Variants in KCNIP1 observed in about 807,000 individuals in gnomAD.
KCNIP1 encodes the protein potassium voltage-gated channel interacting protein 1, also known as A-type potassium channel modulatory protein KCNIP1.
Under a neutral mutation model 33.0 loss-of-function variants are expected in KCNIP1, and 18 were observed. That is an observed-to-expected ratio of 0.55 (90% confidence interval 0.38 to 0.81). The LOEUF (loss-of-function observed/expected upper bound fraction) is 0.81. Ranked by LOEUF, KCNIP1 falls within the 30% of genes least tolerant of loss-of-function variation. The probability of loss-of-function intolerance (pLI) is 0.00; values close to 1 mark genes in which losing one functional copy is unlikely to be tolerated. For synonymous variants in KCNIP1, 93 were observed against 98.3 expected, an observed-to-expected ratio of 0.95 and a Z score of 0.32; for missense variants, 238 against 271.6, an observed-to-expected ratio of 0.88 and a Z score of 0.87.
At chr5:170,543,560 T>C (rs1333633220) in intron 1 of KCNIP1, among the ~76,000 whole-genome samples, 6 of 152,210 alleles carry the variant, frequency 3.9e-5, no homozygotes, top group African/African-American at 1.4e-4. Flanking sequence ...CTTAGCACAG[T>C]CTAACAGTTT....
intron 1 of KCNIP1, chr5:170,382,996 G>A (rs1338222816): frequency 1.5e-5 from 2 of 130,506 alleles, no homozygotes; most frequent in Non-Finnish European, 3.3e-5. Flanking sequence ...AAGGAGGGAG[G>A]GGAAAAAAAA....
chr5:170,600,709 G>C (rs1758657741), intron 1 of KCNIP1, among the ~76,000 whole-genome samples: 1 of 152,180 alleles, frequency 6.6e-6, no homozygotes, highest in Admixed American at 6.5e-5. Flanking sequence ...GGTACTATTT[G>C]CAGGGGCAGG....
intron 1 of KCNIP1, among the ~76,000 whole-genome samples, chr5:170,614,293 C>T (rs1320921520): frequency 6.6e-6 from 1 of 152,184 alleles, no homozygotes; most frequent in Non-Finnish European, 1.5e-5. Flanking sequence ...ATTCGGCAGG[C>T]AGTGGAAGCT....
intron 1 of KCNIP1, among the ~76,000 whole-genome samples, chr5:170,552,424 AC>A (rs1756681821): frequency 6.6e-6 from 1 of 152,206 alleles, no homozygotes; most frequent in Non-Finnish European, 1.5e-5. Context: ...ATTTGGAGAA[AC>A]GAGAAGGGAT....
At chr5:170,441,460 G>A (rs1007386998) in intron 1 of KCNIP1, among the ~76,000 whole-genome samples, 4 of 152,128 alleles carry the variant, frequency 2.6e-5, no homozygotes, top group Admixed American at 1.3e-4. Context: ...ATGTGCCCAC[G>A]TGCAGGGTTT....
intron 1 of KCNIP1, among the ~76,000 whole-genome samples, chr5:170,548,867 C>T (rs116271639): frequency 0.022 from 3,279 of 152,298 alleles, 126 homozygotes; most frequent in African/African-American, 0.075. Flanking sequence ...GACCTATTCA[C>T]TAGCACCCTG....
chr5:170,457,314 G>T (rs1054927797), intron 1 of KCNIP1, among the ~76,000 whole-genome samples: 1 of 152,074 alleles, frequency 6.6e-6, no homozygotes. Flanking sequence ...AAACTGCAGG[G>T]GCCACCACCA....
At chr5:170,462,274 A>AAAC (rs200573005) in intron 1 of KCNIP1, among the ~76,000 whole-genome samples, 3 of 149,420 alleles carry the variant, frequency 2.0e-5, no homozygotes, top group Non-Finnish European at 3.0e-5. Flanking sequence ...CAAAAAAAAA[A>AAAC]AAAAAAAAAA....
At chr5:170,456,427 G>A (rs1271101013) in intron 1 of KCNIP1, among the ~76,000 whole-genome samples, 2 of 152,148 alleles carry the variant, frequency 1.3e-5, no homozygotes, top group East Asian at 3.9e-4. Flanking sequence ...GTATACCTGT[G>A]TAACAAACCT....
chr5:170,367,871 C>T (rs1284814488), intron 1 of KCNIP1, among the ~76,000 whole-genome samples: 1 of 152,192 alleles, frequency 6.6e-6, no homozygotes, highest in Non-Finnish European at 1.5e-5. Flanking sequence ...GAAATCTATT[C>T]TAAGCAAATC....
At chr5:170,443,627 C>A (rs1756043659) in intron 1 of KCNIP1, among the ~76,000 whole-genome samples, 1 of 152,208 alleles carries the variant, frequency 6.6e-6, no homozygotes, top group African/African-American at 2.4e-5. Flanking sequence ...AGATTGAGTT[C>A]CTGCCACCAC....
At chr5:170,553,976 C>T (rs1262252516) in intron 1 of KCNIP1, among the ~76,000 whole-genome samples, 1 of 152,192 alleles carries the variant, frequency 6.6e-6, no homozygotes, top group Non-Finnish European at 1.5e-5. Flanking sequence ...GGCTCTTGCC[C>T]TCACACTCTA....
intron 1 of KCNIP1, among the ~76,000 whole-genome samples, chr5:170,498,791 A>G (rs1035414): frequency 0.59 from 89,470 of 152,110 alleles, 30,178 homozygotes; most frequent in Non-Finnish European, 0.75. Context: ...CTTTCCCTTT[A>G]CTTTATCTTA....
chr5:170,705,797 A>G (rs988140531), intron 1 of KCNIP1, among the ~76,000 whole-genome samples: 1 of 152,242 alleles, frequency 6.6e-6, no homozygotes, highest in Non-Finnish European at 1.5e-5. Context: ...GAAAGGTACA[A>G]TCATGATTGA....
chr5:170,679,913 G>A (rs189275785), intron 1 of KCNIP1, among the ~76,000 whole-genome samples: 21 of 152,156 alleles, frequency 1.4e-4, no homozygotes, highest in Non-Finnish European at 2.9e-4. Flanking sequence ...ATGATGCAAT[G>A]AATATCCTTG....
At chr5:170,403,765 A>G (rs1002123031) in intron 1 of KCNIP1, among the ~76,000 whole-genome samples, 8 of 152,218 alleles carry the variant, frequency 5.3e-5, no homozygotes, top group African/African-American at 1.7e-4. Context: ...GAACCGAACT[A>G]TAGTTTGAGC....
At chr5:170,685,742 G>T (rs1012764640) in intron 1 of KCNIP1, among the ~76,000 whole-genome samples, 2 of 152,020 alleles carry the variant, frequency 1.3e-5, no homozygotes, top group African/African-American at 4.8e-5. Flanking sequence ...ACCCACCTCG[G>T]CCTCCCAAAG....
At chr5:170,527,364 G>A (rs1755618865) in intron 1 of KCNIP1, among the ~76,000 whole-genome samples, 1 of 152,162 alleles carries the variant, frequency 6.6e-6, no homozygotes, top group Non-Finnish European at 1.5e-5. Context: ...ACAGGGTACT[G>A]GCCCAGTAGA....
At chr5:170,715,354 A>G (rs1243819090) in intron 1 of KCNIP1, among the ~76,000 whole-genome samples, 1 of 152,208 alleles carries the variant, frequency 6.6e-6, no homozygotes, top group Non-Finnish European at 1.5e-5. Context: ...TAAGCGACAC[A>G]TGACTGAATA....
Sources: allele counts gnomAD v4.1 joint callset (sites outside exome capture counted in the v4.1 genomes callset), GRCh38; gene constraint gnomAD v4.1.1; transcripts MANE v1.5; gene names NCBI Gene and HGNC (gene_info 2026-07-23, HGNC 2026-07-21).